SEMA3A: variants seen among roughly 807,000 people sequenced by gnomAD.
SEMA3A encodes the protein semaphorin-3A.
Under a neutral mutation model 97.9 loss-of-function variants are expected in SEMA3A, and 29 were observed. That is an observed-to-expected ratio of 0.30 (90% CI 0.22 to 0.40). SEMA3A has a LOEUF of 0.40. Ranked by LOEUF, SEMA3A falls within the 10% of genes least tolerant of loss-of-function variation. The pLI is 1.00. For synonymous variants in SEMA3A, 321 were observed against 323.7 expected (o/e 0.99, Z 0.09); for missense variants, 763 against 951.3 (o/e 0.80, Z 2.60).
chr7:84,243,966 G>A (rs920787639), intron 3 of SEMA3A, among the ~76,000 whole-genome samples: 1 of 152,138 alleles, frequency 6.6e-6, no homozygotes, highest in Non-Finnish European at 1.5e-5. Flanking sequence ...CTGAGAGACT[G>A]TTATGATTTC....
chr7:84,308,969 C>T lies in SEMA3A; in HGVS notation c.-168-1677G>A, dbSNP rs111408250. Among the ~76,000 whole-genome samples, 5 of 152,088 alleles carry T rather than the reference C, an allele frequency of 3.3e-5. 1 individual carries two copies. The highest frequency in any genetic ancestry group is 1.2e-4 in the African/African-American group (5 of 41,498). ...AGTAGCTGGGATTACAGGTGCCTGCCACCACACCCGGCTAACTTTTGTATT... is the reference window on the plus strand; with the variant it reads ...AGTAGCTGGGATTACAGGTGCCTGCTACCACACCCGGCTAACTTTTGTATT... On this transcript the variant is annotated intron_variant, in intron 2 of 3. Coordinates refer to the SEMA3A transcript ENST00000424555.
chr7:84,207,613 C>T (rs1170815805), intron 3 of SEMA3A, among the ~76,000 whole-genome samples: 2 of 152,128 alleles, frequency 1.3e-5, no homozygotes, highest in Non-Finnish European at 2.9e-5. Flanking sequence ...ATGAAATATG[C>T]TTAAATAATA....
chr7:84,115,832 A>C (rs1371187792), intron 3 of SEMA3A, among the ~76,000 whole-genome samples: 1 of 152,160 alleles, frequency 6.6e-6, no homozygotes, highest in Non-Finnish European at 1.5e-5. Context: ...GTGGTTTCCA[A>C]TTTTATGCAA....
At chr7:84,347,020 G>A (rs369206478) in intron 2 of SEMA3A, among the ~76,000 whole-genome samples, 6 of 152,230 alleles carry the variant, frequency 3.9e-5, no homozygotes, top group African/African-American at 1.2e-4. Flanking sequence ...AATACACTAT[G>A]GATAACACTA....
Position 84,129,176 on chromosome 7 carries a change from G to A in SEMA3A, c.280C>T (p.Pro94Ser). 1 of 1,612,402 alleles carries A rather than the reference G, an allele frequency of 6.2e-7. No individual in the cohort carries two copies. The highest frequency in any genetic ancestry group is 8.5e-7 in the Non-Finnish European group (1 of 1,178,672). The change falls in exon 3 of 17, where the codon CCA (proline) becomes TCA (serine). Residue 94 changes from proline to serine, a missense_variant. Physicochemically the swap from Pro to Ser is moderately conservative, Grantham distance 74. Coordinates refer to ENST00000265362, the MANE Select transcript of SEMA3A (RefSeq NM_006080.3). ...NIKDFQKIVWPVSYTRRDECK... is the reference protein window; with the variant it reads ...NIKDFQKIVWSVSYTRRDECK... ...TCATCTCTTCTGGTGTAAGATACTG[G>A]CCACACAATCTAAGGACAGAGAATA...
intron 1 of SEMA3A, among the ~76,000 whole-genome samples, chr7:84,489,943 G>A (rs2116451436): frequency 6.6e-6 from 1 of 151,976 alleles, no homozygotes; most frequent in East Asian, 1.9e-4. Context: ...ATTTTCATAT[G>A]TAATAAATAC....
In SEMA3A at chr7:84,364,536, A is replaced by G. The variant is rs551874643; in HGVS notation, c.-169+7288T>C. Among the ~76,000 whole-genome samples the G allele has an allele frequency of 3.3e-5, 5 of 151,862 alleles. No homozygotes were observed. In the South Asian group the frequency reaches 1.0e-3, roughly 31 times the overall value. On this transcript the variant is annotated intron_variant, in intron 2 of 3. Transcript: ENST00000424555. Reference sequence around the variant, plus strand: ...TTTAATTATTTCAGCCACAAAAAGTATATTGTTATATTGCACAATAAACTA... The same window carrying G: ...TTTAATTATTTCAGCCACAAAAAGTGTATTGTTATATTGCACAATAAACTA...
intron 5 of SEMA3A, among the ~76,000 whole-genome samples, chr7:84,059,659 A>T (rs997369589): frequency 6.6e-6 from 1 of 151,928 alleles, no homozygotes; most frequent in Non-Finnish European, 1.5e-5. Context: ...AAGGAAAACA[A>T]AAAGGTACAT....
rs375010299 is a variant in SEMA3A at position 84,433,982 on chromosome 7, T to A, written c.-246+58478A>T. Among the ~76,000 whole-genome samples the A allele has an allele frequency of 4.0e-4, 61 of 152,204 alleles. 1 individual carries two copies. The highest frequency in any genetic ancestry group is 1.3e-3 in the African/African-American group (54 of 41,552). On this transcript the variant is annotated intron_variant, in intron 1 of 3. Coordinates refer to the SEMA3A transcript ENST00000424555. ...AGATTCTGGATATTAGCCCTTTGTC[T>A]GATGGACAGATTGTAAAAACTTTCT...
chr7:84,276,864 G>T (rs889585777), intron 3 of SEMA3A, among the ~76,000 whole-genome samples: 1 of 152,042 alleles, frequency 6.6e-6, no homozygotes, highest in Non-Finnish European at 1.5e-5. Context: ...TTATGAAATT[G>T]TTCCTAGATC....
At chr7:84,065,574 A>G (rs1562750874) in intron 4 of SEMA3A, among the ~76,000 whole-genome samples, 1 of 148,848 alleles carries the variant, frequency 6.7e-6, no homozygotes, top group African/African-American at 2.5e-5. Flanking sequence ...GCAATAAGAA[A>G]TGATAAAGGG....
chr7:84,483,588 G>T (rs189193085), intron 1 of SEMA3A, among the ~76,000 whole-genome samples: 23 of 152,154 alleles, frequency 1.5e-4, no homozygotes, highest in Non-Finnish European at 1.3e-4. Flanking sequence ...GCCTGAATTG[G>T]TGCCCCAACA....
upstream of SEMA3A, among the ~76,000 whole-genome samples, chr7:84,200,110 G>A (rs955611274): frequency 6.6e-6 from 1 of 151,428 alleles, no homozygotes; most frequent in Non-Finnish European, 1.5e-5. Flanking sequence ...AGTGATTTCA[G>A]TAAAAGAAGC....
In SEMA3A at chr7:83,978,546, T is replaced by C. The variant is rs1272692358; in HGVS notation, c.1653-1350A>G. Among the ~76,000 whole-genome samples the C allele has an allele frequency of 2.0e-5, 3 of 152,178 alleles. No homozygotes were observed. In the East Asian group the frequency reaches 5.8e-4, roughly 29 times the overall value. ...GCTGCTATTTTAATGGGTATTGTCT[T>C]GCTGCAAAATTAGTTACCATCCCTA... On this transcript the variant is annotated intron_variant, in intron 14 of 16. Transcript: ENST00000265362.
intron 1 of SEMA3A, 50 bp downstream of exon 1, chr7:84,194,425 G>T (rs754018489): frequency 1.6e-6 from 2 of 1,237,830 alleles, no homozygotes; most frequent in South Asian, 2.5e-5. Context: ...GAATTAAGGG[G>T]GGGGGCGGTT....
chr7:84,081,493 TG>T (rs1474116137), intron 4 of SEMA3A, among the ~76,000 whole-genome samples: 1 of 151,162 alleles, frequency 6.6e-6, no homozygotes, highest in East Asian at 2.0e-4. Context: ...CCTGGGAGGC[TG>T]AGGCAGGAGA....
rs1417216356 is a variant in SEMA3A at position 83,957,399 on chromosome 7, T to TA, written c.*3971_*3972insT. The TA allele has an allele frequency of 1.3e-5, 2 of 152,126 alleles. No individual in the cohort carries two copies. The highest frequency in any genetic ancestry group is 4.8e-5 in the African/African-American group (2 of 41,450). 9.4% of individuals were successfully genotyped at this position (152,126 alleles called of 1,614,324 possible). On this transcript the variant is annotated 3_prime_UTR_variant, in exon 17 of 17. Transcript: ENST00000265362. ...TCTATCAGTGGAATTTACTTGAACG[T>TA]GTAGGAAGCTGGTTCTAAAAGGCAA...
chr7:84,326,646 G>T (rs982963982), intron 2 of SEMA3A, among the ~76,000 whole-genome samples: 1 of 151,870 alleles, frequency 6.6e-6, no homozygotes, highest in African/African-American at 2.4e-5. Context: ...AAATAGTCTA[G>T]AAGGCTGTTA....
chr7:84,269,079 C>T lies in SEMA3A; in HGVS notation c.-83+38128G>A, dbSNP rs114236647. 4.8e-3 allele frequency among the ~76,000 whole-genome samples: 729 copies of T among 152,184 alleles called. 6 individuals carry two copies. The highest frequency in any genetic ancestry group is 0.017 in the African/African-American group (687 of 41,544). ...AATCATTCTCTCTCAGAAATTATTT[C>T]TCCTTTCTCCCATCACTGTGGATCA... On this transcript the variant is annotated intron_variant, in intron 3 of 3. Coordinates refer to the SEMA3A transcript ENST00000424555.
Sources: allele counts gnomAD v4.1 joint callset (sites outside exome capture counted in the v4.1 genomes callset), GRCh38; gene constraint gnomAD v4.1.1; transcripts MANE v1.5; gene names NCBI Gene and HGNC (gene_info 2026-07-23, HGNC 2026-07-21).